XKR4: variants seen among roughly 807,000 people sequenced by gnomAD.
The protein encoded by XKR4 is XK related 4, also known as XK-related protein 4.
Under a neutral mutation model 53.9 loss-of-function variants are expected in XKR4, and 12 were observed. The ratio of observed to expected loss-of-function variants is 0.22; its 90% CI spans 0.14 to 0.36. The LOEUF (loss-of-function observed/expected upper bound fraction) is 0.36, where lower values mean the gene tolerates loss of function less well. Ranked by LOEUF, XKR4 falls within the 10% of genes least tolerant of loss-of-function variation. The pLI is 1.00. For synonymous variants in XKR4, 354 were observed against 362.4 expected (o/e 0.98, Z 0.26); for missense variants, 799 against 859.5 (o/e 0.93, Z 0.88).
At chr8:55,484,155 G>T (rs1160225277) in intron 2 of XKR4, among the ~76,000 whole-genome samples, 2 of 152,078 alleles carry the variant, frequency 1.3e-5, no homozygotes. Flanking sequence ...GACTTGAATA[G>T]CCCCATATCT....
chr8:55,506,640 CCTAA>C (rs1053718924), intron 2 of XKR4, among the ~76,000 whole-genome samples: 24 of 152,192 alleles, frequency 1.6e-4, no homozygotes, highest in African/African-American at 5.8e-4. Flanking sequence ...TTCCCCTTTC[CCTAA>C]CTAATATCTG....
rs890385672 is a variant in XKR4, at chr8:55,235,154, T to A, written c.807-122524T>A. Among the ~76,000 whole-genome samples, 4 of 152,322 alleles carry A rather than the reference T, an allele frequency of 2.6e-5. No homozygotes were observed. In the South Asian group the frequency reaches 8.3e-4, roughly 32 times the overall value. ...AGGCTGCTGGCAGTCCTGGTGCTCGTTGGCATCACCCAGTCTCTGTCTCCA... is the reference window on the plus strand; with the variant it reads ...AGGCTGCTGGCAGTCCTGGTGCTCGATGGCATCACCCAGTCTCTGTCTCCA... On this transcript the variant is annotated intron_variant, in intron 1 of 2. Coordinates refer to ENST00000327381, the MANE Select transcript of XKR4 (RefSeq NM_052898.2).
In XKR4 at chr8:55,482,957, A is replaced by T. The variant is rs1806133767; in HGVS notation, c.1007-40324A>T. ...TTCAAATTTGAGATCTTCTTACCCT[A>T]GGCACTTTGCAAATGAATCATTGTT... is the stretch of plus-strand genomic sequence containing the variant. On this transcript the variant is annotated intron_variant, in intron 2 of 2. Transcript: ENST00000327381. Among the ~76,000 whole-genome samples the T allele has an allele frequency of 2.0e-5, 3 of 152,298 alleles. No individual in the cohort carries two copies. The South Asian group carries it at 6.2e-4, about 32-fold the overall frequency.
intron 2 of XKR4, among the ~76,000 whole-genome samples, chr8:55,398,031 CT>C: frequency 6.6e-6 from 1 of 152,168 alleles, no homozygotes; most frequent in Non-Finnish European, 1.5e-5. Flanking sequence ...GAAAATCTAT[CT>C]AGTCTTTTTA....
chr8:55,454,601 C>T, intron 2 of XKR4: 6 of 1,379,054 alleles, frequency 4.4e-6, no homozygotes, highest in Non-Finnish European at 6.1e-6. Flanking sequence ...TCACCAGCCC[C>T]CAAATAAATC....
intron 1 of XKR4, among the ~76,000 whole-genome samples, chr8:55,270,301 A>G (rs1400938997): frequency 6.6e-6 from 1 of 151,950 alleles, no homozygotes; most frequent in Non-Finnish European, 1.5e-5. Context: ...CCCCTTTATC[A>G]TTGTCCCCAC....
rs114198485 is a variant in XKR4, at chr8:55,487,591, C to T, written c.1007-35690C>T. 1.2e-3 allele frequency among the ~76,000 whole-genome samples: 177 copies of T among 152,140 alleles called. 2 individuals carry two copies. The highest frequency in any genetic ancestry group is 2.2e-3 in the Non-Finnish European group (151 of 67,994). On this transcript the variant is annotated intron_variant, in intron 2 of 2. Transcript: ENST00000327381. Reference sequence around the variant, plus strand: ...AAGCGATTCTCATGCCTCAGCTTCCCGAGTAAGTGGGATTACAGGTATGCA... The same window carrying T: ...AAGCGATTCTCATGCCTCAGCTTCCTGAGTAAGTGGGATTACAGGTATGCA...
chr8:55,432,596 A>G (rs1805118600), intron 2 of XKR4, among the ~76,000 whole-genome samples: 2 of 152,202 alleles, frequency 1.3e-5, no homozygotes, highest in African/African-American at 4.8e-5. Flanking sequence ...ATATCTACAC[A>G]TTAAATATTG....
At chr8:55,400,707 A>G (rs933177189) in intron 2 of XKR4, among the ~76,000 whole-genome samples, 4 of 152,330 alleles carry the variant, frequency 2.6e-5, no homozygotes, top group East Asian at 1.9e-4. Flanking sequence ...CTAGAATCCT[A>G]TAAGTGAAGT....
chr8:55,211,510 A>T (rs899551482), intron 1 of XKR4, among the ~76,000 whole-genome samples: 2 of 152,218 alleles, frequency 1.3e-5, no homozygotes, highest in African/African-American at 4.8e-5. Flanking sequence ...TTACTATGGT[A>T]TGTCACTATA....
At chr8:55,483,847 T>C (rs1348278262) in intron 2 of XKR4, among the ~76,000 whole-genome samples, 1 of 149,578 alleles carries the variant, frequency 6.7e-6, no homozygotes, top group African/African-American at 2.4e-5. Flanking sequence ...AAGACAGCAA[T>C]GTAAGTGAAA....
intron 1 of XKR4, among the ~76,000 whole-genome samples, chr8:55,294,612 C>G (rs1318349687): frequency 3.9e-5 from 6 of 152,236 alleles, no homozygotes; most frequent in African/African-American, 1.4e-4. Flanking sequence ...ACTGCTGACT[C>G]TTTGTTCACA....
intron 1 of XKR4, among the ~76,000 whole-genome samples, chr8:55,156,425 G>A (rs1273124130): frequency 7.2e-6 from 1 of 137,944 alleles, no homozygotes; most frequent in African/African-American, 2.6e-5. Context: ...AGGTGGGGGT[G>A]GGGAGAGGGA....
intron 2 of XKR4, among the ~76,000 whole-genome samples, chr8:55,482,527 A>C (rs2975954): frequency 0.75 from 114,431 of 151,586 alleles, 43,809 homozygotes; most frequent in African/African-American, 0.88. Flanking sequence ...GCACATGTAC[A>C]CTAAAACTTA....
intron 2 of XKR4, among the ~76,000 whole-genome samples, chr8:55,407,946 T>A (rs940420582): frequency 6.6e-6 from 1 of 152,168 alleles, no homozygotes; most frequent in African/African-American, 2.4e-5. Context: ...GGATTTCATT[T>A]CATGAGGTAT....
chr8:55,326,475 T>TTC (rs1803295797), intron 1 of XKR4, among the ~76,000 whole-genome samples: 1 of 148,442 alleles, frequency 6.7e-6, no homozygotes, highest in South Asian at 2.2e-4. Flanking sequence ...TTCCTTTTTT[T>TTC]TTTTTTTTTT....
chr8:55,261,894 A>C (rs1297199008), intron 1 of XKR4, among the ~76,000 whole-genome samples: 4 of 152,146 alleles, frequency 2.6e-5, no homozygotes, highest in African/African-American at 9.6e-5. Context: ...TTTTAAAAAA[A>C]AGTATATTCA....
chr8:55,410,387 G>T (rs1354083594), intron 2 of XKR4, among the ~76,000 whole-genome samples: 3 of 152,188 alleles, frequency 2.0e-5, no homozygotes, highest in Admixed American at 6.5e-5. Flanking sequence ...GCAGTCAAGG[G>T]TATTTCCATA....
At chr8:55,207,035 A>G (rs558943350) in intron 1 of XKR4, among the ~76,000 whole-genome samples, 2 of 152,322 alleles carry the variant, frequency 1.3e-5, no homozygotes, top group South Asian at 4.2e-4. Flanking sequence ...TCTACTAGCA[A>G]TAGAGGCTTG....
Sources: gnomAD v4.1 joint callset for allele counts (sites outside exome capture counted in the v4.1 genomes callset) on GRCh38, gnomAD v4.1.1 for gene constraint, MANE v1.5 for transcripts, NCBI Gene and HGNC (gene_info 2026-07-23, HGNC 2026-07-21) for gene names.